The following SLC9B1 variants were observed in gnomAD, a reference collection of about 807,000 sequenced individuals.
The protein encoded by SLC9B1 is solute carrier family 9 member B1, also known as sodium/hydrogen exchanger 9B1.
In SLC9B1, 32 loss-of-function variants were observed where a neutral mutation model predicts 51.7. The ratio of observed to expected loss-of-function variants is 0.62; its 90% CI spans 0.47 to 0.83. The LOEUF (loss-of-function observed/expected upper bound fraction) is 0.83. Ranked by LOEUF, SLC9B1 falls within the 40% of genes least tolerant of loss-of-function variation. The pLI is 0.00. For missense variants in SLC9B1, 406 were observed against 613.2 expected (o/e 0.66, Z 3.57); for synonymous variants, 145 against 212.7 (o/e 0.68, Z 2.77).
At chr4:102,994,196 T>G (rs1740100071) in intron 1 of SLC9B1, among the ~76,000 whole-genome samples, 1 of 152,178 alleles carries the variant, frequency 6.6e-6, no homozygotes, top group Non-Finnish European at 1.5e-5. Flanking sequence ...TTTCCAAACT[T>G]CTATGCTCTG....
intron 7 of SLC9B1, among the ~76,000 whole-genome samples, chr4:102,911,784 AAAAC>A (rs1403381273): frequency 6.6e-6 from 1 of 152,148 alleles, no homozygotes; most frequent in African/African-American, 2.4e-5. Context: ...AATAGGCCAG[AAAAC>A]AAAGACTTAA....
rs1190946306 is a variant in SLC9B1, at chr4:102,901,425, G to A, written c.1333-93C>T. 9.9e-6 allele frequency: 14 copies of A among 1,408,064 alleles called. No homozygotes were observed. In the East Asian group the frequency reaches 3.1e-4, roughly 32 times the overall value. The allele number at this position is 1,408,064 out of a possible 1,614,324, so 87.2% of individuals were successfully genotyped here. On this transcript the variant is annotated intron_variant, in intron 11 of 11. Coordinates refer to ENST00000296422, the MANE Select transcript of SLC9B1 (RefSeq NM_139173.4). ...GCTCTGTTAAAATAAACAAAATCTA[G>A]TACTAGACTATTAGAAAAAAAAAGT... is the stretch of plus-strand genomic sequence containing the variant.
At chr4:102,917,475 C>CTATATT (rs1735639356) in intron 7 of SLC9B1, among the ~76,000 whole-genome samples, 1 of 150,662 alleles carries the variant, frequency 6.6e-6, no homozygotes, top group African/African-American at 2.4e-5. Context: ...ATATCTATAT[C>CTATATT]TATATCTATA....
chr4:103,001,369 C>A (rs977552175), intron 1 of SLC9B1, among the ~76,000 whole-genome samples: 1 of 152,200 alleles, frequency 6.6e-6, no homozygotes, highest in Non-Finnish European at 1.5e-5. Context: ...ATGGATTTTT[C>A]TTTTCTATTA....
intron 4 of SLC9B1, among the ~76,000 whole-genome samples, chr4:102,947,933 A>G (rs1341203053): frequency 7.5e-6 from 1 of 132,870 alleles, no homozygotes; most frequent in African/African-American, 2.9e-5. Flanking sequence ...AACAAATAAG[A>G]TAATTATTTA....
At chr4:102,989,667 A>G in intron 3 of SLC9B1, 133 bp downstream of exon 3, 1 of 508,152 alleles carries the variant, frequency 2.0e-6, no homozygotes, top group Non-Finnish European at 3.2e-6. Flanking sequence ...CTTTGTTCAC[A>G]TATTGCTTGT....
At chr4:102,979,228 T>A (rs1739228061) in intron 3 of SLC9B1, among the ~76,000 whole-genome samples, 2 of 152,214 alleles carry the variant, frequency 1.3e-5, no homozygotes, top group Non-Finnish European at 2.9e-5. Context: ...TAGTAAGTAG[T>A]TAACCTGATT....
At chr4:102,934,844 G>C (rs113915161) in intron 6 of SLC9B1, among the ~76,000 whole-genome samples, 2 of 151,094 alleles carry the variant, frequency 1.3e-5, no homozygotes, top group African/African-American at 4.9e-5. Flanking sequence ...TACATACAAA[G>C]GCATTAGACA....
At chr4:102,888,452 C>G (rs1342815791) in intron 11 of SLC9B1, 3 of 152,178 alleles carry the variant, frequency 2.0e-5, no homozygotes, top group African/African-American at 7.2e-5. Context: ...TCTGTGTGAC[C>G]TCACCTGCAT....
At chr4:102,934,522 G>C (rs1386759771) in intron 6 of SLC9B1, among the ~76,000 whole-genome samples, 1 of 152,170 alleles carries the variant, frequency 6.6e-6, no homozygotes, top group Non-Finnish European at 1.5e-5. Flanking sequence ...TAGGGGGCTA[G>C]GTGCGATGGC....
chr4:103,009,628 A>G (rs888168344), intron 1 of SLC9B1, among the ~76,000 whole-genome samples: 8 of 152,216 alleles, frequency 5.3e-5, no homozygotes, highest in Admixed American at 2.0e-4. Flanking sequence ...GTTTAAATAT[A>G]GTCTATTCTC....
intron 7 of SLC9B1, among the ~76,000 whole-genome samples, chr4:102,914,485 G>T (rs1218379965): frequency 6.6e-6 from 1 of 152,072 alleles, no homozygotes; most frequent in East Asian, 1.9e-4. Context: ...ACCATGAACT[G>T]AATACCTTCC....
intron 3 of SLC9B1, among the ~76,000 whole-genome samples, chr4:102,965,813 C>A (rs1226950697): frequency 5.9e-5 from 9 of 152,080 alleles, no homozygotes; most frequent in Non-Finnish European, 1.3e-4. Flanking sequence ...TTATTTACTT[C>A]CAAGATACAA....
chr4:102,979,094 T>C (rs1209965894), intron 3 of SLC9B1, among the ~76,000 whole-genome samples: 6 of 152,308 alleles, frequency 3.9e-5, no homozygotes, highest in South Asian at 2.1e-4. Context: ...GGATGACTTC[T>C]TGGGGAATAA....
intron 1 of SLC9B1, among the ~76,000 whole-genome samples, chr4:103,004,492 T>C (rs988634989): frequency 6.6e-6 from 1 of 152,164 alleles, no homozygotes; most frequent in African/African-American, 2.4e-5. Flanking sequence ...AAAGAGTAAG[T>C]AATGTGGAAA....
intron 11 of SLC9B1, chr4:102,890,877 C>G (rs1734214664): frequency 9.3e-6 from 1 of 107,042 alleles, no homozygotes; most frequent in Non-Finnish European, 1.9e-5. Flanking sequence ...TTCATCTAAT[C>G]AAATTTATTG....
chr4:103,019,621 C>T lies in SLC9B1; in HGVS notation c.-24G>A, dbSNP rs1326828880. ...TACCTACAACTTCTTTCGCAGCCCT[C>T]GCTGGCCCGGGAGCGGCCCAGGAGC... On this transcript the variant is annotated 5_prime_UTR_variant, in exon 1 of 12. Coordinates refer to ENST00000296422, the MANE Select transcript of SLC9B1 (RefSeq NM_139173.4). 2.0e-6 allele frequency: 2 copies of T among 985,374 alleles called. No homozygotes were observed. Among genetic ancestry groups the T allele is most frequent in the Non-Finnish European group, 2.4e-6 (2 of 829,966 alleles). The allele number at this position is 985,374 out of a possible 1,614,324, so 61.0% of individuals were successfully genotyped here. A position where few individuals can be genotyped will look rare whatever the true frequency, so the allele number is the denominator to read the frequency against.
At chr4:102,926,010 A>T (rs1372582887) in intron 7 of SLC9B1, among the ~76,000 whole-genome samples, 1 of 152,406 alleles carries the variant, frequency 6.6e-6, no homozygotes, top group African/African-American at 2.4e-5. Context: ...TGATTATCTC[A>T]ATAGATGCAG....
intron 3 of SLC9B1, among the ~76,000 whole-genome samples, chr4:102,955,636 G>T (rs1341413300): frequency 6.6e-6 from 1 of 152,014 alleles, no homozygotes; most frequent in Non-Finnish European, 1.5e-5. Flanking sequence ...TGAGGTTGCA[G>T]TTTCAATTGG....
Sources: gnomAD v4.1 joint callset for allele counts (sites outside exome capture counted in the v4.1 genomes callset) on GRCh38, gnomAD v4.1.1 for gene constraint, MANE v1.5 for transcripts, NCBI Gene and HGNC (gene_info 2026-07-23, HGNC 2026-07-21) for gene names.